Variants in SAMSN1 observed in about 807,000 individuals in gnomAD.
The protein encoded by SAMSN1 is SAM domain, SH3 domain and nuclear localization signals 1.
Under a neutral mutation model 42.0 loss-of-function variants are expected in SAMSN1, and 31 were observed. The observed-to-expected ratio is 0.74, with a 90% CI of 0.55 to 1.00. The LOEUF is 1.00. SAMSN1 is among the 50% of genes least tolerant of loss of function. The pLI is 0.00. For synonymous variants in SAMSN1, 178 were observed against 151.9 expected, an observed-to-expected ratio of 1.17 and a Z score of -1.26; for missense variants, 464 against 439.4, an observed-to-expected ratio of 1.06 and a Z score of -0.50.
intron 3 of SAMSN1, among the ~76,000 whole-genome samples, chr21:14,512,857 CA>C (rs1382196174): frequency 1.3e-5 from 2 of 152,032 alleles, no homozygotes; most frequent in South Asian, 2.1e-4. Flanking sequence ...ATTATTTAAT[CA>C]AAAGTGTTAG....
upstream of SAMSN1, among the ~76,000 whole-genome samples, chr21:14,550,194 A>T (rs181567821): frequency 6.6e-6 from 1 of 152,110 alleles, no homozygotes; most frequent in Admixed American, 6.6e-5. Context: ...GGAGTTAAGG[A>T]AGTGGGGGGA....
intron 3 of SAMSN1, among the ~76,000 whole-genome samples, chr21:14,514,254 C>CA (rs1987811021): frequency 6.6e-6 from 1 of 152,160 alleles, no homozygotes; most frequent in African/African-American, 2.4e-5. Flanking sequence ...ATTTACGTTG[C>CA]AGTCTAAAGG....
At chr21:14,564,688 C>T (rs556545234) in intron 2 of SAMSN1, among the ~76,000 whole-genome samples, 17 of 152,260 alleles carry the variant, frequency 1.1e-4, no homozygotes, top group Middle Eastern at 3.4e-3. Flanking sequence ...CAAAGAAGAT[C>T]GCCTCTTTAT....
chr21:14,521,787 G>A (rs1348896421), intron 1 of SAMSN1, among the ~76,000 whole-genome samples: 1 of 151,852 alleles, frequency 6.6e-6, no homozygotes, highest in Non-Finnish European at 1.5e-5. Context: ...GTGATGGGTT[G>A]ACAGGTGCAG....
intron 5 of SAMSN1, among the ~76,000 whole-genome samples, chr21:14,606,868 G>T (rs1982583340): frequency 6.6e-6 from 1 of 152,128 alleles, no homozygotes; most frequent in Non-Finnish European, 1.5e-5. Flanking sequence ...TCATGTTGTT[G>T]AGCTATGGAT....
intron 2 of SAMSN1, among the ~76,000 whole-genome samples, chr21:14,636,894 G>A (rs1983482428): frequency 6.6e-6 from 1 of 152,090 alleles, no homozygotes; most frequent in South Asian, 2.1e-4. Context: ...GTGTATAACT[G>A]TTTATTATCA....
intron 1 of SAMSN1, among the ~76,000 whole-genome samples, chr21:14,531,807 C>T (rs1033710699): frequency 6.6e-6 from 1 of 152,000 alleles, no homozygotes; most frequent in South Asian, 2.1e-4. Flanking sequence ...ACCAAATTTC[C>T]TATCAAATTA....
At chr21:14,658,188 G>C (rs1345167873) in intron 1 of SAMSN1, among the ~76,000 whole-genome samples, 1 of 151,814 alleles carries the variant, frequency 6.6e-6, no homozygotes, top group Non-Finnish European at 1.5e-5. Flanking sequence ...GGAAAAAAAA[G>C]TAATAATGTG....
Position 14,555,345 on chromosome 21 carries a change from A to G in SAMSN1, c.261+26791T>C, listed in dbSNP as rs141431974. The stretch of plus-strand genomic sequence containing the variant: ...TCTTGGTAAGTGTATGTAGCTATTT[A>G]AACAAAATCTAGTTTTGCCAACTAC... On this transcript the variant is annotated intron_variant, in intron 2 of 8. Coordinates refer to the SAMSN1 transcript ENST00000285670. 1.2e-4 allele frequency among the ~76,000 whole-genome samples: 18 copies of G among 152,338 alleles called. No individual in the cohort carries two copies. In the East Asian group the frequency reaches 3.5e-3, roughly 29 times the overall value.
chr21:14,491,447 A>T (rs867095643), intron 7 of SAMSN1, among the ~76,000 whole-genome samples: 1 of 152,134 alleles, frequency 6.6e-6, no homozygotes. Flanking sequence ...TGACATTTCC[A>T]TGTGAAAGCT....
At chr21:14,575,615 A>G (rs1981434349) in intron 2 of SAMSN1, among the ~76,000 whole-genome samples, 1 of 152,216 alleles carries the variant, frequency 6.6e-6, no homozygotes, top group Admixed American at 6.5e-5. Flanking sequence ...TTAAATTATG[A>G]GGAATTATGC....
At chr21:14,526,156 C>G (rs1020229602) in intron 1 of SAMSN1, among the ~76,000 whole-genome samples, 7 of 152,288 alleles carry the variant, frequency 4.6e-5, no homozygotes, top group African/African-American at 1.7e-4. Flanking sequence ...GTGTGAGCTG[C>G]CATGCCCAGC....
At chr21:14,505,769 C>T (rs1480051500) in intron 5 of SAMSN1, among the ~76,000 whole-genome samples, 1 of 152,194 alleles carries the variant, frequency 6.6e-6, no homozygotes, top group Admixed American at 6.5e-5. Flanking sequence ...ACATACAGAA[C>T]ATTCCATCCA....
intron 2 of SAMSN1, among the ~76,000 whole-genome samples, chr21:14,579,410 C>A (rs1252565609): frequency 1.3e-5 from 2 of 152,112 alleles, no homozygotes; most frequent in Non-Finnish European, 2.9e-5. Flanking sequence ...TACACCTACA[C>A]ACATCCACAA....
chr21:14,656,272 G>A (rs1317315099), intron 1 of SAMSN1, among the ~76,000 whole-genome samples: 3 of 151,526 alleles, frequency 2.0e-5, no homozygotes, highest in Non-Finnish European at 4.4e-5. Context: ...TGGGGAGCAG[G>A]GTATTCTTCT....
At chr21:14,531,379 A>G (rs568016631) in intron 1 of SAMSN1, among the ~76,000 whole-genome samples, 4 of 152,230 alleles carry the variant, frequency 2.6e-5, no homozygotes, top group African/African-American at 9.6e-5. Flanking sequence ...TGTCTATTCA[A>G]TTTTATCATC....
intron 1 of SAMSN1, among the ~76,000 whole-genome samples, chr21:14,656,019 G>C (rs960338937): frequency 7.3e-5 from 11 of 151,682 alleles, no homozygotes; most frequent in Non-Finnish European, 1.3e-4. Context: ...CAAAAGGTAA[G>C]CAAGATATCA....
chr21:14,653,466 A>C (rs943596998), intron 1 of SAMSN1, among the ~76,000 whole-genome samples: 4 of 152,030 alleles, frequency 2.6e-5, no homozygotes, highest in African/African-American at 9.7e-5. Context: ...ACTTGTGTAC[A>C]TTGAGATTAG....
chr21:14,627,166 T>A (rs1308667088), intron 2 of SAMSN1, among the ~76,000 whole-genome samples: 1 of 152,028 alleles, frequency 6.6e-6, no homozygotes, highest in African/African-American at 2.4e-5. Context: ...TTAGGAGATA[T>A]ACCTAATGTA....
Sources: gnomAD v4.1 joint callset for allele counts (sites outside exome capture counted in the v4.1 genomes callset) on GRCh38, gnomAD v4.1.1 for gene constraint, MANE v1.5 for transcripts, NCBI Gene and HGNC (gene_info 2026-07-23, HGNC 2026-07-21) for gene names.